SUPT3H: variants seen among roughly 807,000 people sequenced by gnomAD.
SUPT3H encodes transcription initiation protein SPT3 homolog.
A neutral mutation model predicts 44.3 loss-of-function variants in SUPT3H; 44 were observed. The observed-to-expected ratio is 0.99, with a 90% CI of 0.78 to 1.28. The LOEUF (loss-of-function observed/expected upper bound fraction) is 1.28. Among genes scored for constraint, SUPT3H ranks in the 50% most tolerant of loss-of-function variants. The probability of loss-of-function intolerance (pLI) is 0.00; values close to 1 mark genes in which losing one functional copy is unlikely to be tolerated. For synonymous variants in SUPT3H, 124 were observed against 125.6 expected (o/e 0.99, Z 0.09); for missense variants, 380 against 387.1 (o/e 0.98, Z 0.15).
intron 2 of SUPT3H, chr6:45,159,360 T>C (rs1201393761): frequency 6.6e-6 from 1 of 152,190 alleles, no homozygotes; most frequent in Non-Finnish European, 1.5e-5. Flanking sequence ...ATTACTTAAT[T>C]GGCTGCCTAA....
intron 2 of SUPT3H, among the ~76,000 whole-genome samples, chr6:45,306,730 T>A (rs1454554362): frequency 6.6e-6 from 1 of 152,166 alleles, no homozygotes; most frequent in East Asian, 1.9e-4. Context: ...ACGGGTGATT[T>A]CTGCATTTCC....
chr6:45,345,298 T>C (rs760700863), intron 2 of SUPT3H, among the ~76,000 whole-genome samples: 6 of 152,164 alleles, frequency 3.9e-5, no homozygotes, highest in Non-Finnish European at 5.9e-5. Flanking sequence ...TGCTATGAGG[T>C]TGACAGTAAA....
At chr6:45,156,601 T>C (rs1224477839) in intron 2 of SUPT3H, among the ~76,000 whole-genome samples, 5 of 151,554 alleles carry the variant, frequency 3.3e-5, no homozygotes, top group Non-Finnish European at 7.4e-5. Context: ...TTCTGGAATC[T>C]TTGTTTATAA....
At chr6:45,083,193 TTATTATTATTA>T (rs1489861986) in intron 3 of SUPT3H, among the ~76,000 whole-genome samples, 6 of 149,498 alleles carry the variant, frequency 4.0e-5, no homozygotes, top group African/African-American at 1.5e-4. Context: ...ATTATTATTA[TTATTATTATTA>T]TTTTTCAGAC....
At chr6:45,208,081 C>T (rs1431734809) in intron 2 of SUPT3H, among the ~76,000 whole-genome samples, 1 of 152,168 alleles carries the variant, frequency 6.6e-6, no homozygotes, top group African/African-American at 2.4e-5. Context: ...TGGAGGAAAT[C>T]AGAAGTGCTA....
intron 2 of SUPT3H, among the ~76,000 whole-genome samples, chr6:45,333,116 TAAAAC>T (rs1235035950): frequency 6.6e-6 from 1 of 151,840 alleles, no homozygotes; most frequent in East Asian, 1.9e-4. Context: ...GTTAGTATCT[TAAAAC>T]AAATCTTTAA....
intron 2 of SUPT3H, among the ~76,000 whole-genome samples, chr6:45,174,820 C>T (rs1811423820): frequency 6.6e-6 from 1 of 151,426 alleles, no homozygotes; most frequent in African/African-American, 2.4e-5. Flanking sequence ...TAAAAATAGC[C>T]ATTCTTTGAA....
At chr6:44,821,053 G>A (rs1023773958) in intron 11 of SUPT3H, among the ~76,000 whole-genome samples, 1 of 152,064 alleles carries the variant, frequency 6.6e-6, no homozygotes, top group Non-Finnish European at 1.5e-5. Flanking sequence ...GTCTTGCTCT[G>A]TTGCCCAGGC....
chr6:44,899,528 A>C (rs1764635210), intron 10 of SUPT3H, among the ~76,000 whole-genome samples: 1 of 152,154 alleles, frequency 6.6e-6, no homozygotes, highest in Non-Finnish European at 1.5e-5. Context: ...TCTAATAAAA[A>C]TACAAAAAAT....
intron 3 of SUPT3H, among the ~76,000 whole-genome samples, chr6:45,075,728 C>A (rs1435684209): frequency 2.0e-5 from 3 of 152,068 alleles, no homozygotes; most frequent in African/African-American, 7.2e-5. Flanking sequence ...ACACGATATA[C>A]CTGCAGAATG....
chr6:45,225,943 T>C (rs1007241267), intron 2 of SUPT3H, among the ~76,000 whole-genome samples: 14 of 152,124 alleles, frequency 9.2e-5, no homozygotes, highest in African/African-American at 3.4e-4. Context: ...GCCAACTGTT[T>C]AGTACAATGA....
intron 2 of SUPT3H, among the ~76,000 whole-genome samples, chr6:45,120,256 A>C (rs1431711675): frequency 6.6e-6 from 1 of 151,882 alleles, no homozygotes; most frequent in Non-Finnish European, 1.5e-5. Flanking sequence ...AATTTATTTC[A>C]GTTTCCACCA....
At chr6:45,063,961 C>T (rs1792723525) in intron 3 of SUPT3H, among the ~76,000 whole-genome samples, 1 of 98,190 alleles carries the variant, frequency 1.0e-5, no homozygotes, top group South Asian at 4.1e-4. Context: ...ACAGAGAACG[C>T]CACAAAGATA....
At chr6:45,175,293 G>A (rs1215223398) in intron 2 of SUPT3H, among the ~76,000 whole-genome samples, 1 of 152,174 alleles carries the variant, frequency 6.6e-6, no homozygotes, top group African/African-American at 2.4e-5. Flanking sequence ...ACAAAGGAAA[G>A]AGGTTTAACT....
At chr6:45,265,430 A>T (rs540956426) in intron 2 of SUPT3H, among the ~76,000 whole-genome samples, 1 of 152,240 alleles carries the variant, frequency 6.6e-6, no homozygotes. Flanking sequence ...GGCTAATGAT[A>T]TTTAGCATGA....
At chr6:45,123,551 A>T (rs1801982394) in intron 2 of SUPT3H, among the ~76,000 whole-genome samples, 1 of 151,792 alleles carries the variant, frequency 6.6e-6, no homozygotes, top group South Asian at 2.1e-4. Flanking sequence ...TAAATTGTAC[A>T]ATTTTTTTAA....
intron 6 of SUPT3H, among the ~76,000 whole-genome samples, chr6:44,988,991 T>A (rs187074659): frequency 2.0e-5 from 3 of 152,178 alleles, no homozygotes; most frequent in African/African-American, 7.2e-5. Flanking sequence ...CTTATAGATG[T>A]CTCATGCCTC....
At chr6:45,356,458 C>T (rs778457488) in intron 2 of SUPT3H, among the ~76,000 whole-genome samples, 3 of 151,854 alleles carry the variant, frequency 2.0e-5, no homozygotes, top group East Asian at 1.9e-4. Flanking sequence ...AGTGCAGTGG[C>T]GCAATCTCAG....
At chr6:44,889,156 A>G (rs188589347) in intron 10 of SUPT3H, among the ~76,000 whole-genome samples, 1 of 152,102 alleles carries the variant, frequency 6.6e-6, no homozygotes, top group African/African-American at 2.4e-5. Context: ...GCTCATGGGT[A>G]GGAAGAATCA....
Sources: gnomAD v4.1 joint callset for allele counts (sites outside exome capture counted in the v4.1 genomes callset) on GRCh38, gnomAD v4.1.1 for gene constraint, MANE v1.5 for transcripts, NCBI Gene and HGNC (gene_info 2026-07-23, HGNC 2026-07-21) for gene names.